TTC23: variants seen among roughly 807,000 people sequenced by gnomAD.
TTC23 encodes the protein tetratricopeptide repeat domain 23.
Under a neutral mutation model 55.1 loss-of-function variants are expected in TTC23, and 58 were observed. The observed-to-expected ratio is 1.05, with a 90% confidence interval of 0.85 to 1.31. The LOEUF (loss-of-function observed/expected upper bound fraction) is 1.31, where lower values mean the gene tolerates loss of function less well. Among genes scored for constraint, TTC23 ranks in the 50% most tolerant of loss-of-function variants. The pLI is 0.00. For missense variants in TTC23, 516 were observed against 534.4 expected, an observed-to-expected ratio of 0.97 and a Z score of 0.34; for synonymous variants, 203 against 199.9, an observed-to-expected ratio of 1.02 and a Z score of -0.13.
At position 99,137,806 on chromosome 15, in the gene TTC23, G is replaced by T; in HGVS notation, c.*204C>A. 1.3e-6 allele frequency: 1 copy of T among 759,268 alleles called. No individual in the cohort carries two copies. Among genetic ancestry groups the T allele is most frequent in the Non-Finnish European group, 2.0e-6 (1 of 492,042 alleles). The allele number at this position is 759,268 out of a possible 1,614,324, so 47.0% of individuals were successfully genotyped here. On this transcript the variant is annotated 3_prime_UTR_variant, in exon 14 of 14. Transcript: ENST00000394132. ...TTAGGTGATAGAAAACTGCTTTATA[G>T]CATATATCACCCTGAAGGGCATCCA...
At chr15:99,234,222 T>G (rs79021728) in intron 4 of TTC23, among the ~76,000 whole-genome samples, 20,812 of 152,172 alleles carry the variant, frequency 0.14, 1,451 homozygotes, top group African/African-American at 0.15. Flanking sequence ...GAGAAACTGT[T>G]AATTAAAAAA....
intron 2 of TTC23, among the ~76,000 whole-genome samples, chr15:99,241,916 C>T (rs1026002507): frequency 6.6e-6 from 1 of 152,170 alleles, no homozygotes; most frequent in African/African-American, 2.4e-5. Flanking sequence ...GGGTTGATGG[C>T]TTGAGCCGAG....
intron 8 of TTC23, among the ~76,000 whole-genome samples, chr15:99,214,058 C>A (rs1313505118): frequency 1.3e-5 from 2 of 152,138 alleles, no homozygotes; most frequent in African/African-American, 4.8e-5. Flanking sequence ...CAAATGTTTG[C>A]TATTAGTAGT....
intron 9 of TTC23, among the ~76,000 whole-genome samples, chr15:99,180,328 GAAC>G (rs1163066842): frequency 1.3e-5 from 2 of 150,542 alleles, no homozygotes; most frequent in African/African-American, 2.4e-5. Flanking sequence ...ATTCCACATT[GAAC>G]AAGGTCATTA....
At chr15:99,196,715 T>C (rs1294193314) in intron 9 of TTC23, among the ~76,000 whole-genome samples, 2 of 152,192 alleles carry the variant, frequency 1.3e-5, no homozygotes, top group African/African-American at 4.8e-5. Flanking sequence ...ATCTCTGAGT[T>C]ATCCCCCTGC....
intron 9 of TTC23, among the ~76,000 whole-genome samples, chr15:99,181,179 C>A (rs1320294494): frequency 6.6e-6 from 1 of 152,212 alleles, no homozygotes; most frequent in East Asian, 1.9e-4. Context: ...AAACTGCATA[C>A]TTTTCCAGTC....
chr15:99,148,948 C>T (rs2069333019), intron 12 of TTC23, among the ~76,000 whole-genome samples: 1 of 152,146 alleles, frequency 6.6e-6, no homozygotes, highest in Non-Finnish European at 1.5e-5. Flanking sequence ...TTTTTCAGGC[C>T]TGTGGGTCCA....
chr15:99,221,439 T>G (rs1422165192), intron 6 of TTC23, among the ~76,000 whole-genome samples: 3 of 152,156 alleles, frequency 2.0e-5, no homozygotes, highest in Admixed American at 1.3e-4. Context: ...TACCTTGGGT[T>G]TTTTCCTACA....
chr15:99,246,920 TCAAA>T (rs777626353), intron 1 of TTC23, among the ~76,000 whole-genome samples: 76 of 151,772 alleles, frequency 5.0e-4, no homozygotes, highest in Admixed American at 1.4e-3. Context: ...AGACCCAGTC[TCAAA>T]CAAACAAACA....
rs2151824427 is a variant in TTC23 at position 99,139,315 on chromosome 15, AC to A, written c.1226+1del. On this transcript the variant is annotated splice_donor_variant, in intron 13 of 13. Transcript: ENST00000394132. LOFTEE classifies it high-confidence loss of function. Reference sequence around the variant, plus strand: ...GAGAAAGTGTGAGGGACGCCAACTCACGTGGACAGCATGCCCATGGCCTGCT... The same window carrying A: ...GAGAAAGTGTGAGGGACGCCAACTCAGTGGACAGCATGCCCATGGCCTGCT... The A allele has an allele frequency of 6.2e-7, 1 of 1,611,908 alleles. No homozygotes were observed. The highest frequency in any genetic ancestry group is 8.5e-7 in the Non-Finnish European group (1 of 1,179,766).
chr15:99,156,276 C>A lies in TTC23; in HGVS notation c.1015G>T (p.Glu339Ter), dbSNP rs754459224. 3.1e-6 allele frequency: 5 copies of A among 1,614,204 alleles called. No homozygotes were observed. The highest frequency in any genetic ancestry group is 4.2e-6 in the Non-Finnish European group (5 of 1,180,034). The change falls in exon 12 of 14, where the codon GAG (glutamate) becomes TAG (stop). Residue 339 changes from glutamate to a stop codon, truncating the protein, a stop_gained. Transcript: ENST00000394132. LOFTEE classifies it high-confidence loss of function. ...QKERATSILR[E>*]SLEAKVEAFG... ...GCTTCCACTTTGGCTTCCAGGGACT[C>A]TCTCAGGATCGAGGTTGCTCTCTGT...
At chr15:99,249,998 T>TA (rs556498208), upstream of TTC23, among the ~76,000 whole-genome samples, 65 of 152,038 alleles carry the variant, frequency 4.3e-4, 1 homozygote, top group African/African-American at 1.3e-3. Flanking sequence ...TATTCCCCAT[T>TA]AAAAAAAAGA....
chr15:99,156,097 G>A (rs770404021), intron 12 of TTC23, 51 bp downstream of exon 12: 1 of 1,609,924 alleles, frequency 6.2e-7, no homozygotes, highest in Non-Finnish European at 8.5e-7. Flanking sequence ...AATTGACCTT[G>A]GAGAGGGGAG....
intron 9 of TTC23, among the ~76,000 whole-genome samples, chr15:99,184,128 G>A (rs1009713926): frequency 3.9e-5 from 6 of 152,208 alleles, no homozygotes; most frequent in Non-Finnish European, 7.3e-5. Context: ...GGATGGAAAT[G>A]CCTGGGTGTC....
At chr15:99,219,993 T>A (rs974615326) in intron 6 of TTC23, among the ~76,000 whole-genome samples, 1 of 145,904 alleles carries the variant, frequency 6.9e-6, no homozygotes, top group African/African-American at 2.5e-5. Context: ...TATTACATAT[T>A]TTTAAAAAGC....
intron 10 of TTC23, among the ~76,000 whole-genome samples, chr15:99,174,687 G>A (rs991317911): frequency 4.6e-5 from 7 of 152,204 alleles, no homozygotes; most frequent in East Asian, 1.9e-4. Flanking sequence ...CCTGGAGGCC[G>A]GCTGGCCCAG....
chr15:99,164,933 G>C (rs1201756799), intron 10 of TTC23, among the ~76,000 whole-genome samples: 1 of 152,074 alleles, frequency 6.6e-6, no homozygotes, highest in East Asian at 1.9e-4. Flanking sequence ...CCAGATTCTG[G>C]CTCTGCCCCT....
chr15:99,223,955 C>T (rs1211318748), intron 5 of TTC23, among the ~76,000 whole-genome samples: 3 of 152,166 alleles, frequency 2.0e-5, no homozygotes, highest in Admixed American at 2.0e-4. Flanking sequence ...AGAACAAGGA[C>T]AGAGTTGTGA....
chr15:99,137,573 A>G lies in TTC23; in HGVS notation c.*437T>C, dbSNP rs1291502934. On this transcript the variant is annotated 3_prime_UTR_variant, in exon 14 of 14. Coordinates refer to ENST00000394132, the MANE Select transcript of TTC23 (RefSeq NM_001288615.3). ...TTCCCTTTATTAGCGTTTTCTTCTCATGTTATTCTCAATCCCTATTAGCCT... is the reference window on the plus strand; with the variant it reads ...TTCCCTTTATTAGCGTTTTCTTCTCGTGTTATTCTCAATCCCTATTAGCCT... 6.5e-6 allele frequency: 1 copy of G among 154,340 alleles called. No individual in the cohort carries two copies. The highest frequency in any genetic ancestry group is 6.4e-5 in the Admixed American group (1 of 15,516). The allele number at this position is 154,340 out of a possible 1,614,324, so 9.6% of individuals were successfully genotyped here. A position where few individuals can be genotyped will look rare whatever the true frequency, so the allele number is the denominator to read the frequency against.
Sources: allele counts gnomAD v4.1 joint callset (sites outside exome capture counted in the v4.1 genomes callset), GRCh38; gene constraint gnomAD v4.1.1; transcripts MANE v1.5; gene names NCBI Gene and HGNC (gene_info 2026-07-23, HGNC 2026-07-21).